Variants in ZFYVE27 observed in about 807,000 individuals in gnomAD.
ZFYVE27 encodes the protein protrudin.
A neutral mutation model predicts 52.8 loss-of-function variants in ZFYVE27; 36 were observed. That is an observed-to-expected ratio of 0.68 (90% CI 0.52 to 0.90). The LOEUF (loss-of-function observed/expected upper bound fraction) is 0.90. Ranked by LOEUF, ZFYVE27 falls within the 40% of genes least tolerant of loss-of-function variation. The pLI, the probability that ZFYVE27 is intolerant of heterozygous loss-of-function variation, is 0.00. For synonymous variants in ZFYVE27, 223 were observed against 215.6 expected (o/e 1.03, Z -0.30); for missense variants, 450 against 527.2 (o/e 0.85, Z 1.43).
At position 97,750,347 on chromosome 10, in the gene ZFYVE27, G is replaced by A; in HGVS notation, c.681G>A (p.Arg227=). 1.9e-6 allele frequency: 3 copies of A among 1,614,064 alleles called. No individual in the cohort carries two copies. The African/African-American group carries it at 4.0e-5, about 22-fold the overall frequency. ...CCTGGGTAGTTGTGTCTGAGTACAG[G>A]GCATCTCTGCAGCAGAGGATGAACC... ...VEFFRVVSEY[R]ASLQQRMNPK... The change falls in exon 7 of 13, where the codon AGG becomes AGA. Residue 227 remains arginine, a synonymous_variant. Transcript: ENST00000684270.
chr10:97,752,346 G>A (rs1004369440), intron 8 of ZFYVE27, among the ~76,000 whole-genome samples: 1 of 152,286 alleles, frequency 6.6e-6, no homozygotes, highest in South Asian at 2.1e-4. Flanking sequence ...ATCAGCCCAG[G>A]CCATGCAGGC....
At position 97,757,629 on chromosome 10, in the gene ZFYVE27, CTCTTG is replaced by C; in HGVS notation, c.1090-9_1090-5del. 6.2e-7 allele frequency: 1 copy of C among 1,613,994 alleles called. No individual in the cohort carries two copies. Among genetic ancestry groups the C allele is most frequent in the Non-Finnish European group, 8.5e-7 (1 of 1,179,844 alleles). The stretch of plus-strand genomic sequence containing the variant: ...GGGTGAGGGACACATCTGACCTTGG[CTCTTG>C]TCTGCAGCGGAGCTGCAGTAATTGT... On this transcript the variant is annotated splice_region_variant and splice_polypyrimidine_tract_variant and intron_variant, in intron 11 of 12. Transcript: ENST00000684270.
intron 3 of ZFYVE27, among the ~76,000 whole-genome samples, chr10:97,744,225 A>G (rs1186843614): frequency 6.6e-6 from 1 of 152,198 alleles, no homozygotes; most frequent in Non-Finnish European, 1.5e-5. Context: ...GCCATGTTAC[A>G]TGGAAGAAGT....
At chr10:97,754,899 T>G (rs1262858493) in intron 10 of ZFYVE27, 1 of 1,184,596 alleles carries the variant, frequency 8.4e-7, no homozygotes, top group Non-Finnish European at 1.1e-6. Flanking sequence ...TAACCTGAGG[T>G]AAAAAGAGTG....
intron 4 of ZFYVE27, among the ~76,000 whole-genome samples, chr10:97,745,455 A>G (rs1292703714): frequency 6.6e-6 from 1 of 152,176 alleles, no homozygotes; most frequent in Non-Finnish European, 1.5e-5. Flanking sequence ...CTGGAATTAC[A>G]GGCGTGAGCC....
intron 5 of ZFYVE27, 129 bp from the exon 6 acceptor site, chr10:97,749,345 G>A: frequency 1.3e-6 from 1 of 755,006 alleles, no homozygotes; most frequent in Non-Finnish European, 2.4e-6. Flanking sequence ...GGTTTGATGA[G>A]CGGCTCTTGT....
At chr10:97,741,751 T>TGCACG (rs2043709807) in intron 2 of ZFYVE27, among the ~76,000 whole-genome samples, 1 of 152,192 alleles carries the variant, frequency 6.6e-6, no homozygotes, top group Non-Finnish European at 1.5e-5. Context: ...ATCCCAGAAC[T>TGCACG]TTAAGTATAA....
intron 11 of ZFYVE27, 143 bp downstream of exon 11, chr10:97,757,454 C>A: frequency 7.5e-7 from 1 of 1,340,758 alleles, no homozygotes; most frequent in Non-Finnish European, 1.1e-6. Flanking sequence ...TGTGCCCTCC[C>A]CTGCGCCTGT....
chr10:97,760,869 A>T lies in ZFYVE27; in HGVS notation c.*1569A>T, dbSNP rs1363779561. On this transcript the variant is annotated 3_prime_UTR_variant, in exon 13 of 13. Transcript: ENST00000684270. ...AAAAGGATCTCTGTGTCTATGGAGAATTGTCAATAAAAAGGCCTCAAGCTT... is the reference window on the plus strand; with the variant it reads ...AAAAGGATCTCTGTGTCTATGGAGATTTGTCAATAAAAAGGCCTCAAGCTT... 1 of 152,280 alleles carries T rather than the reference A, an allele frequency of 6.6e-6. No homozygotes were observed. The highest frequency in any genetic ancestry group is 1.5e-5 in the Non-Finnish European group (1 of 68,068). 9.4% of individuals were successfully genotyped at this position (152,280 alleles called of 1,614,324 possible).
chr10:97,742,134 GAAAAAAAA>G (rs796122082), intron 2 of ZFYVE27, among the ~76,000 whole-genome samples: 3 of 75,202 alleles, frequency 4.0e-5, no homozygotes, highest in African/African-American at 1.2e-4. Context: ...TGTCTCAAAA[GAAAAAAAA>G]AAAAAAAAAG....
At chr10:97,743,033 G>T in intron 2 of ZFYVE27, 61 bp from the exon 3 acceptor site, 1 of 1,583,066 alleles carries the variant, frequency 6.3e-7, no homozygotes. Context: ...GTGCTGCCTG[G>T]TCTCCCCTCC....
At chr10:97,742,965 T>C (rs1342243902) in intron 2 of ZFYVE27, 129 bp from the exon 3 acceptor site, 1 of 987,458 alleles carries the variant, frequency 1.0e-6, no homozygotes, top group East Asian at 2.4e-5. Context: ...GGCCCCCTTT[T>C]CGTTTCTCCT....
chr10:97,757,354 G>C, intron 11 of ZFYVE27, 43 bp downstream of exon 11: 1 of 1,613,804 alleles, frequency 6.2e-7, no homozygotes, highest in Non-Finnish European at 8.5e-7. Flanking sequence ...CAGTGTCCTT[G>C]GGACTGTCGG....
At chr10:97,758,058 CTTT>C (rs1419474848) in intron 12 of ZFYVE27, 1 of 205,698 alleles carries the variant, frequency 4.9e-6, no homozygotes, top group African/African-American at 2.3e-5. Flanking sequence ...CAATTTTAAT[CTTT>C]TTCTTATTTC....
chr10:97,741,771 A>T (rs2135965430), intron 2 of ZFYVE27, among the ~76,000 whole-genome samples: 1 of 152,350 alleles, frequency 6.6e-6, no homozygotes, highest in South Asian at 2.1e-4. Context: ...ATAATAAAAA[A>T]AAGTAAAAGC....
rs571244141 is a variant in ZFYVE27 at position 97,755,408 on chromosome 10, T to C, written c.1043-1857T>C. ...TAATGGAAATCTCTCATCACAGTTC[T>C]GGAGGCTGGAAGTCCAAGATCAGGG... On this transcript the variant is annotated intron_variant, in intron 10 of 12. Coordinates refer to ENST00000684270, the MANE Select transcript of ZFYVE27 (RefSeq NM_001385875.1). Among the ~76,000 whole-genome samples, 903 of 152,324 alleles carry C rather than the reference T, an allele frequency of 5.9e-3. 17 individuals carry two copies. Among genetic ancestry groups the C allele is most frequent in the Non-Finnish European group, 3.3e-3 (224 of 68,036 alleles).
intron 4 of ZFYVE27, 140 bp from the exon 5 acceptor site, chr10:97,748,129 C>T: frequency 1.2e-6 from 1 of 822,000 alleles, no homozygotes; most frequent in South Asian, 1.5e-5. Flanking sequence ...CCCATGCTCT[C>T]TCGACTCCTC....
chr10:97,752,734 C>A, intron 8 of ZFYVE27, 123 bp from the exon 9 acceptor site: 3 of 1,129,820 alleles, frequency 2.7e-6, no homozygotes, highest in Non-Finnish European at 2.6e-6. Flanking sequence ...TTGGGAAGTG[C>A]GCAGAGCTCA....
chr10:97,754,765 G>A, intron 10 of ZFYVE27: 1 of 1,289,404 alleles, frequency 7.8e-7, no homozygotes, highest in Non-Finnish European at 1.0e-6. Flanking sequence ...GTTCAGAGCA[G>A]CCAGATTCCA....
Sources: gnomAD v4.1 joint callset for allele counts (sites outside exome capture counted in the v4.1 genomes callset) on GRCh38, gnomAD v4.1.1 for gene constraint, MANE v1.5 for transcripts, NCBI Gene and HGNC (gene_info 2026-07-23, HGNC 2026-07-21) for gene names.